RNF168: variants seen among roughly 807,000 people sequenced by gnomAD.
RNF168 encodes the protein ring finger protein 168.
RNF168 carries 34 observed loss-of-function variants against 34.9 expected under a neutral mutation model. The observed-to-expected ratio is 0.97, with a 90% confidence interval of 0.74 to 1.30. The LOEUF (loss-of-function observed/expected upper bound fraction) is 1.30. RNF168 is among the 50% of genes most tolerant of loss of function. The pLI is 0.00. For missense variants in RNF168, 725 were observed against 682.5 expected, an observed-to-expected ratio of 1.06 and a Z score of -0.69; for synonymous variants, 264 against 254.7, an observed-to-expected ratio of 1.04 and a Z score of -0.35.
intron 3 of RNF168, among the ~76,000 whole-genome samples, chr3:196,485,804 T>C (rs1172788792): frequency 1.3e-5 from 2 of 152,280 alleles, no homozygotes; most frequent in East Asian, 3.9e-4. Context: ...TCTATTGAAC[T>C]TCCCATGATT....
intron 5 of RNF168, among the ~76,000 whole-genome samples, chr3:196,473,433 G>A (rs1289344530): frequency 2.0e-5 from 3 of 152,238 alleles, no homozygotes; most frequent in Non-Finnish European, 4.4e-5. Flanking sequence ...CTACCAGCCA[G>A]TCTAATAACT....
chr3:196,473,380 G>C (rs1732060210), intron 5 of RNF168, among the ~76,000 whole-genome samples: 1 of 152,152 alleles, frequency 6.6e-6, no homozygotes, highest in South Asian at 2.1e-4. Context: ...TCAAAAAAAT[G>C]TGAGGTAATA....
intron 4 of RNF168, among the ~76,000 whole-genome samples, chr3:196,480,636 C>T (rs183734366): frequency 1.3e-3 from 200 of 152,196 alleles, no homozygotes; most frequent in Admixed American, 3.5e-3. Flanking sequence ...ATTTTCTCCA[C>T]GGGTCGTACA....
Position 196,480,893 on chromosome 3 carries a change from C to A in RNF168, c.680+2877G>T, listed in dbSNP as rs561560381. On this transcript the variant is annotated intron_variant, in intron 4 of 5. Coordinates refer to ENST00000318037, the MANE Select transcript of RNF168 (RefSeq NM_152617.4). ...CTCCTGGGCTCAAGCAATCCTCTCG[C>A]CTCAGTCTCCCGAAGTGCTGGGATT... Among the ~76,000 whole-genome samples the A allele has an allele frequency of 1.9e-4, 29 of 152,268 alleles. 1 individual carries two copies. The South Asian group carries it at 6.0e-3, about 32-fold the overall frequency.
intron 5 of RNF168, among the ~76,000 whole-genome samples, chr3:196,474,271 G>A (rs964322527): frequency 1.4e-4 from 21 of 149,556 alleles, no homozygotes; most frequent in African/African-American, 4.9e-4. Context: ...GGGACTACAG[G>A]TATGTGCCAC....
rs376941956 is a variant in RNF168, at chr3:196,472,489, C to T, written c.1046G>A (p.Gly349Asp). The change falls in exon 6 of 6, where the codon GGC becomes GAC. Residue 349 changes from glycine (G) to aspartate (D), a missense_variant. Gly to Asp is a moderately conservative substitution (Grantham distance 94). Coordinates refer to ENST00000318037, the MANE Select transcript of RNF168 (RefSeq NM_152617.4). ...GGGGGCGCACCCACTTTCTGTTCTGCCACAAGGCATAACTGCAGTTTCTTT... is the reference window on the plus strand; with the variant it reads ...GGGGGCGCACCCACTTTCTGTTCTGTCACAAGGCATAACTGCAGTTTCTTT... ...YSKETAVMPC[G>D]RTESGCAPTS... The T allele has an allele frequency of 3.1e-6, 5 of 1,614,068 alleles. No homozygotes were observed. The highest frequency in any genetic ancestry group is 3.4e-6 in the Non-Finnish European group (4 of 1,180,040).
Position 196,488,663 on chromosome 3 carries a change from G to T in RNF168, c.322C>A (p.Arg108Ser). 6.2e-7 allele frequency: 1 copy of T among 1,605,028 alleles called. No homozygotes were observed. The highest frequency in any genetic ancestry group is 8.5e-7 in the Non-Finnish European group (1 of 1,172,588). Residue 108 changes from arginine to serine, a missense_variant, in exon 2 of 6, where the codon CGT (arginine) becomes AGT (serine). Coordinates refer to ENST00000318037, the MANE Select transcript of RNF168 (RefSeq NM_152617.4). Reference sequence around the variant, plus strand: ...AGTTCCCCAGGTTTACTGAGCAGACGAACTGGCTGATAGTCATCAGCTATT... The same window carrying T: ...AGTTCCCCAGGTTTACTGAGCAGACTAACTGGCTGATAGTCATCAGCTATT... ...EEVADDYQPV[R>S]LLSKPGELRR...
chr3:196,488,473 C>G (rs1251582922), intron 2 of RNF168, 134 bp downstream of exon 2: 1 of 537,028 alleles, frequency 1.9e-6, no homozygotes, highest in Non-Finnish European at 3.3e-6. Flanking sequence ...CAGAGTGAGA[C>G]TCCATCTCAA....
At chr3:196,497,192 G>A (rs74319442) in intron 1 of RNF168, among the ~76,000 whole-genome samples, 5,747 of 152,144 alleles carry the variant, frequency 0.038, 355 homozygotes, top group African/African-American at 0.13. Context: ...AATCAAGACA[G>A]TGTGACACTA....
chr3:196,484,756 C>T (rs1732384239), intron 3 of RNF168, among the ~76,000 whole-genome samples: 1 of 151,982 alleles, frequency 6.6e-6, no homozygotes. Context: ...TGGGCTCAGG[C>T]AATCCTCCCA....
At chr3:196,482,459 T>C (rs979260966) in intron 4 of RNF168, among the ~76,000 whole-genome samples, 1 of 152,200 alleles carries the variant, frequency 6.6e-6, no homozygotes, top group East Asian at 1.9e-4. Flanking sequence ...TTTGGGTACA[T>C]ACCTAGGAGT....
Position 196,503,526 on chromosome 3 carries a change from C to T in RNF168, c.-353G>A. 1 of 352,892 alleles carries T rather than the reference C, an allele frequency of 2.8e-6. No individual in the cohort carries two copies. Among genetic ancestry groups the T allele is most frequent in the Non-Finnish European group, 5.5e-6 (1 of 183,378 alleles). 21.9% of individuals were successfully genotyped at this position (352,892 alleles called of 1,614,324 possible). A position where few individuals can be genotyped will look rare whatever the true frequency, so the allele number is the denominator to read the frequency against. ...GGAACGCGCCAAGTCCTCTCCTCCCCTCACCCGGAAAGGATGCTCCGCTCA... is the reference window on the plus strand; with the variant it reads ...GGAACGCGCCAAGTCCTCTCCTCCCTTCACCCGGAAAGGATGCTCCGCTCA... On this transcript the variant is annotated 5_prime_UTR_variant, in exon 1 of 6. Coordinates refer to ENST00000318037, the MANE Select transcript of RNF168 (RefSeq NM_152617.4).
intron 3 of RNF168, among the ~76,000 whole-genome samples, 172 bp from the exon 4 acceptor site, chr3:196,484,063 T>C (rs1017735875): frequency 2.0e-5 from 3 of 152,184 alleles, no homozygotes; most frequent in African/African-American, 2.4e-5. Context: ...GAATAAACTA[T>C]GTTCATCCAA....
Position 196,471,477 on chromosome 3 carries a change from C to A in RNF168, c.*342G>T, listed in dbSNP as rs757134336. On this transcript the variant is annotated 3_prime_UTR_variant, in exon 6 of 6. Coordinates refer to ENST00000318037, the MANE Select transcript of RNF168 (RefSeq NM_152617.4). ...ATAATCTTGCTTTGATTACCAGTCA[C>A]GACAAAAAGGTGAGCAAAGGCCATA... is the stretch of plus-strand genomic sequence containing the variant. 2.6e-5 allele frequency: 7 copies of A among 272,014 alleles called. No homozygotes were observed. Among genetic ancestry groups the A allele is most frequent in the Non-Finnish European group, 4.3e-5 (6 of 139,820 alleles). The allele number at this position is 272,014 out of a possible 1,614,324, so 16.9% of individuals were successfully genotyped here.
chr3:196,480,986 A>G (rs1338557434), intron 4 of RNF168, among the ~76,000 whole-genome samples: 1 of 152,074 alleles, frequency 6.6e-6, no homozygotes, highest in Non-Finnish European at 1.5e-5. Context: ...TTATTTTCTG[A>G]TACTACTATC....
intron 4 of RNF168, among the ~76,000 whole-genome samples, chr3:196,476,179 G>GA (rs1390606642): frequency 2.0e-5 from 3 of 151,858 alleles, no homozygotes; most frequent in Non-Finnish European, 2.9e-5. Context: ...CTTAATTCTT[G>GA]AAAAAAGCTT....
rs1183678824 is a variant in RNF168 at position 196,469,917 on chromosome 3, C to CT, written c.*1901dup. On this transcript the variant is annotated 3_prime_UTR_variant, in exon 6 of 6. Coordinates refer to ENST00000318037, the MANE Select transcript of RNF168 (RefSeq NM_152617.4). ...TCCAAAAATTCACCCAATTTAGTAA[C>CT]TAATTTTGATTCTGATGCCTGATAG... 3 of 151,744 alleles carry CT rather than the reference C, an allele frequency of 2.0e-5. No homozygotes were observed. Among genetic ancestry groups the CT allele is most frequent in the African/African-American group, 7.2e-5 (3 of 41,558 alleles). The allele number at this position is 151,744 out of a possible 1,614,324, so 9.4% of individuals were successfully genotyped here.
intron 3 of RNF168, among the ~76,000 whole-genome samples, chr3:196,486,606 T>A (rs1732429746): frequency 6.6e-6 from 1 of 152,170 alleles, no homozygotes; most frequent in Non-Finnish European, 1.5e-5. Flanking sequence ...TGTACTGGGA[T>A]TACAGGCCCG....
At chr3:196,483,687 A>G in intron 4 of RNF168, 83 bp downstream of exon 4, 1 of 1,195,596 alleles carries the variant, frequency 8.4e-7, no homozygotes. Flanking sequence ...CCAAACTTTG[A>G]GAATCAGTAG....
Sources: gnomAD v4.1 joint callset for allele counts (sites outside exome capture counted in the v4.1 genomes callset) on GRCh38, gnomAD v4.1.1 for gene constraint, MANE v1.5 for transcripts, NCBI Gene and HGNC (gene_info 2026-07-23, HGNC 2026-07-21) for gene names.